Variants in DES observed in about 807,000 individuals in gnomAD.
DES encodes the protein cardiomyopathy, dilated 1F (autosomal dominant).
In DES, 34 loss-of-function variants were observed where a neutral mutation model predicts 55.1. The ratio of observed to expected loss-of-function variants is 0.62; its 90% CI spans 0.47 to 0.82. The LOEUF (loss-of-function observed/expected upper bound fraction) is 0.82. DES is among the 40% of genes least tolerant of loss of function. The pLI is 0.00. For synonymous variants in DES, 259 were observed against 270.8 expected, an observed-to-expected ratio of 0.96 and a Z score of 0.43; for missense variants, 596 against 645.9, an observed-to-expected ratio of 0.92 and a Z score of 0.84.
chr2:219,425,582 T>G, intron 7 of DES, 81 bp from the exon 8 acceptor site: 1 of 1,252,094 alleles, frequency 8.0e-7, no homozygotes, highest in South Asian at 1.3e-5. Context: ...CTGCCCAATG[T>G]GGCCCCAGAT....
Position 219,426,294 on chromosome 2 carries a change from A to T in DES, c.*304A>T. The T allele has an allele frequency of 1.9e-6, 1 of 536,952 alleles. No homozygotes were observed. Among genetic ancestry groups the T allele is most frequent in the Non-Finnish European group, 3.4e-6 (1 of 295,472 alleles). The allele number at this position is 536,952 out of a possible 1,614,324, so 33.3% of individuals were successfully genotyped here. On this transcript the variant is annotated 3_prime_UTR_variant, in exon 9 of 9. Coordinates refer to ENST00000373960, the MANE Select transcript of DES (RefSeq NM_001927.4). This position sits in a 1 kb window ranked among gnomAD's most constrained non-coding sequence, Gnocchi z 4.5. ...CGGGAGCGGTGGCCCTGTCCCTCCC[A>T]CCTCTGTGACCTCAGGCACTAGCCT...
At chr2:219,424,710 A>C (rs911865913) in intron 7 of DES, among the ~76,000 whole-genome samples, 1 of 151,846 alleles carries the variant, frequency 6.6e-6, no homozygotes, top group African/African-American at 2.4e-5. Context: ...AGTACAAAAA[A>C]CTCCACCCAC....
Position 219,421,477 on chromosome 2 carries a change from G to A in DES, c.1161G>A (p.Glu387=). Reference sequence around the variant, plus strand: ...ATGAGATGGCCCGCCATCTGCGCGAGTACCAGGACCTGCTCAACGTGAAGA... The same window carrying A: ...ATGAGATGGCCCGCCATCTGCGCGAATACCAGGACCTGCTCAACGTGAAGA... ...LKDEMARHLR[E]YQDLLNVKMA... is the part of the protein sequence containing the mutation. The change falls in exon 6 of 9, where the codon GAG becomes GAA. Residue 387 remains glutamate, a synonymous_variant. Coordinates refer to ENST00000373960, the MANE Select transcript of DES (RefSeq NM_001927.4). The A allele has an allele frequency of 6.2e-7, 1 of 1,614,126 alleles. No homozygotes were observed. Among genetic ancestry groups the A allele is most frequent in the Non-Finnish European group, 8.5e-7 (1 of 1,180,028 alleles).
intron 8 of DES, 68 bp from the exon 9 acceptor site, chr2:219,425,881 A>G: frequency 6.2e-7 from 1 of 1,606,570 alleles, no homozygotes; most frequent in Non-Finnish European, 8.5e-7. Context: ...TGGGGTGGGG[A>G]TGGCTCAGGG....
Position 219,419,100 on chromosome 2 carries a change from G to T in DES, c.578+60G>T. 3 of 1,534,764 alleles carry T rather than the reference G, an allele frequency of 2.0e-6. No homozygotes were observed. The highest frequency in any genetic ancestry group is 2.6e-6 in the Non-Finnish European group (3 of 1,146,344). On this transcript the variant is annotated intron_variant, in intron 1 of 8. Transcript: ENST00000373960. This position sits in a 1 kb window ranked among gnomAD's most constrained non-coding sequence, Gnocchi z 4.3. Reference sequence around the variant, plus strand: ...GGGCAGGGCACAGGAGGCTAGGCCTGGGGTCTGGGGTCCCGCTGTCAGCAC... The same window carrying T: ...GGGCAGGGCACAGGAGGCTAGGCCTTGGGTCTGGGGTCCCGCTGTCAGCAC...
In DES at chr2:219,421,824, G is replaced by A. The variant is rs2854895; in HGVS notation, c.1244+264G>A. On this transcript the variant is annotated intron_variant, in intron 6 of 8. Transcript: ENST00000373960. Reference sequence around the variant, plus strand: ...TGGGATTACAGGCGCCTACCACCACGCCTGGCTAATTTTTGTATTTTTAGT... The same window carrying A: ...TGGGATTACAGGCGCCTACCACCACACCTGGCTAATTTTTGTATTTTTAGT... 0.36 allele frequency among the ~76,000 whole-genome samples: 55,094 copies of A among 151,694 alleles called. 10,349 individuals carry two copies. Among genetic ancestry groups the A allele is most frequent in the African/African-American group, 0.43 (17,949 of 41,312 alleles).
In DES at chr2:219,420,961, C is replaced by A. The variant is rs749582840; in HGVS notation, c.1023+8C>A. 1.2e-6 allele frequency: 2 copies of A among 1,612,418 alleles called. No individual in the cohort carries two copies. The highest frequency in any genetic ancestry group is 4.5e-5 in the East Asian group (2 of 44,834). On this transcript the variant is annotated splice_region_variant and intron_variant, in intron 5 of 8. Coordinates refer to ENST00000373960, the MANE Select transcript of DES (RefSeq NM_001927.4). This position sits in a 1 kb window ranked among gnomAD's most constrained non-coding sequence, Gnocchi z 6.0. ...GACGCCCTGAAGGGCACTGTGAGTC[C>A]CTGCCCACCTGGCCAGGCCCTGCCC...
Position 219,426,407 on chromosome 2 carries a change from G to A in DES, c.*417G>A, listed in dbSNP as rs551321742. 1.3e-4 allele frequency: 41 copies of A among 319,738 alleles called. No individual in the cohort carries two copies. The highest frequency in any genetic ancestry group is 2.1e-4 in the Non-Finnish European group (34 of 164,594). The allele number at this position is 319,738 out of a possible 1,614,324, so 19.8% of individuals were successfully genotyped here. ...GCAGACCTCCCCAGCCCCTAGCCCA[G>A]GAGAGAGAAAGCCAGGCAGGTAGCC... On this transcript the variant is annotated 3_prime_UTR_variant, in exon 9 of 9. Coordinates refer to ENST00000373960, the MANE Select transcript of DES (RefSeq NM_001927.4). This position sits in a 1 kb window ranked among gnomAD's most constrained non-coding sequence, Gnocchi z 4.5.
chr2:219,421,004 AC>A, intron 5 of DES, 51 bp downstream of exon 5: 1 of 1,597,584 alleles, frequency 6.3e-7, no homozygotes. Flanking sequence ...TCTGCAGTTC[AC>A]ACCCTCACTT....
At chr2:219,424,262 G>A (rs1954497488) in intron 7 of DES, among the ~76,000 whole-genome samples, 1 of 152,194 alleles carries the variant, frequency 6.6e-6, no homozygotes, top group African/African-American at 2.4e-5. Context: ...GTTTGCTGGA[G>A]CAAGATGTTG....
intron 7 of DES, 153 bp from the exon 8 acceptor site, chr2:219,425,510 G>T (rs576368878): frequency 4.3e-6 from 3 of 702,558 alleles, no homozygotes; most frequent in African/African-American, 3.5e-5. Flanking sequence ...CTGAAGGAAA[G>T]GTGTTAAAGT....
Position 219,418,536 on chromosome 2 carries a change from C to G in DES, c.74C>G (p.Pro25Arg). 1 of 1,603,258 alleles carries G rather than the reference C, an allele frequency of 6.2e-7. No homozygotes were observed. The highest frequency in any genetic ancestry group is 8.5e-7 in the Non-Finnish European group (1 of 1,176,252). Residue 25 changes from proline to arginine, a missense_variant, in exon 1 of 9, where the codon CCA becomes CGA. By Grantham distance (103) the Pro-to-Arg change is moderately radical. Coordinates refer to ENST00000373960, the MANE Select transcript of DES (RefSeq NM_001927.4). ...RRTFGGAPGF[P>R]LGSPLSSPVF... ...ACCTTCGGCGGGGCCCCGGGCTTCC[C>G]ACTCGGCTCCCCGCTGAGTTCGCCC... is the stretch of plus-strand genomic sequence containing the variant.
At chr2:219,421,631 C>T in intron 6 of DES, 71 bp downstream of exon 6, 1 of 1,409,176 alleles carries the variant, frequency 7.1e-7, no homozygotes, top group East Asian at 2.3e-5. Context: ...CCCCAGGAGG[C>T]TCGAGATTAC....
Position 219,420,925 on chromosome 2 carries a change from C to A in DES, c.995C>A (p.Thr332Asn), listed in dbSNP as rs368453327. 4.3e-6 allele frequency: 7 copies of A among 1,613,490 alleles called. No individual in the cohort carries two copies. In the Admixed American group the frequency reaches 1.0e-4, roughly 23 times the overall value. ...MEYRHQIQSY[T>N]CEIDALKGTN... ...TACCGACACCAGATCCAGTCCTACA[C>A]CTGCGAGATTGACGCCCTGAAGGGC... The change falls in exon 5 of 9, where the codon ACC becomes AAC. Residue 332 changes from threonine to asparagine, a missense_variant. By Grantham distance (65) the Thr-to-Asn change is moderately conservative. Coordinates refer to ENST00000373960, the MANE Select transcript of DES (RefSeq NM_001927.4). The surrounding 1 kb of genome is among the most constrained non-coding windows in gnomAD (Gnocchi z 6.0).
Position 219,418,735 on chromosome 2 carries a change from C to G in DES, c.273C>G (p.Phe91Leu). The change falls in exon 1 of 9, where the codon TTC becomes TTG. Residue 91 changes from phenylalanine to leucine, a missense_variant. Coordinates refer to ENST00000373960, the MANE Select transcript of DES (RefSeq NM_001927.4). The stretch of plus-strand genomic sequence containing the variant: ...ACGGCGCAGGCGAGCTGCTGGACTT[C>G]TCACTGGCCGACGCGGTGAACCAGG... ...SSYGAGELLD[F>L]SLADAVNQEF... The G allele has an allele frequency of 6.4e-7, 1 of 1,562,290 alleles. No homozygotes were observed. Among genetic ancestry groups the G allele is most frequent in the Non-Finnish European group, 8.7e-7 (1 of 1,152,766 alleles).
In DES at chr2:219,418,511, A is replaced by T. The variant is rs1342928312; in HGVS notation, c.49A>T (p.Thr17Ser). The T allele has an allele frequency of 3.7e-6, 6 of 1,603,146 alleles. No homozygotes were observed. The highest frequency in any genetic ancestry group is 4.2e-6 in the Non-Finnish European group (5 of 1,176,720). Reference sequence around the variant, plus strand: ...CCAGCGCGTGTCCTCCTACCGCCGCACCTTCGGCGGGGCCCCGGGCTTCCC... The same window carrying T: ...CCAGCGCGTGTCCTCCTACCGCCGCTCCTTCGGCGGGGCCCCGGGCTTCCC... Reference protein sequence around the residue: ...SSQRVSSYRRTFGGAPGFPLG... With the variant: ...SSQRVSSYRRSFGGAPGFPLG... Residue 17 changes from threonine (T) to serine (S), a missense_variant, in exon 1 of 9, where the codon ACC becomes TCC. Transcript: ENST00000373960.
chr2:219,423,600 C>T lies in DES; in HGVS notation c.1245-177C>T, dbSNP rs773590186. Among the ~76,000 whole-genome samples the T allele has an allele frequency of 2.6e-5, 4 of 151,950 alleles. No homozygotes were observed. The South Asian group carries it at 8.3e-4, about 32-fold the overall frequency. On this transcript the variant is annotated intron_variant, in intron 6 of 8. Coordinates refer to ENST00000373960, the MANE Select transcript of DES (RefSeq NM_001927.4). ...AACTACAGGTGCCCGCCACCATGCCCGGCTAATTTTTTGTATTTTTAGTAG... is the reference window on the plus strand; with the variant it reads ...AACTACAGGTGCCCGCCACCATGCCTGGCTAATTTTTTGTATTTTTAGTAG...
chr2:219,418,908 C>G lies in DES; in HGVS notation c.446C>G (p.Thr149Arg). 6.4e-7 allele frequency: 1 copy of G among 1,562,966 alleles called. No homozygotes were observed. The highest frequency in any genetic ancestry group is 8.7e-7 in the Non-Finnish European group (1 of 1,153,554). Residue 149 changes from threonine (T) to arginine (R), a missense_variant, in exon 1 of 9, where the codon ACG becomes AGG. Thr to Arg is a moderately conservative substitution (Grantham distance 71). Transcript: ENST00000373960. ...AACCGGCTCAAGGGCCGCGAGCCGA[C>G]GCGAGTGGCCGAGCTCTACGAGGAG... ...EVNRLKGREP[T>R]RVAELYEEEL...
chr2:219,420,254 G>T lies in DES; in HGVS notation c.643G>T (p.Val215Leu), dbSNP rs144908941. ...ENNLAAFRAD[V>L]DAATLARIDL... ...CTTCTCGCTTGGCCTCTCCCAGGAC[G>T]TGGATGCAGCTACTCTAGCTCGCAT... Residue 215 changes from valine to leucine, a missense_variant, in exon 3 of 9, where the codon GTG (valine) becomes TTG (leucine). Transcript: ENST00000373960. This position sits in a 1 kb window ranked among gnomAD's most constrained non-coding sequence, Gnocchi z 6.0. 1.2e-6 allele frequency: 2 copies of T among 1,614,200 alleles called. No homozygotes were observed. Among genetic ancestry groups the T allele is most frequent in the Non-Finnish European group, 1.7e-6 (2 of 1,180,034 alleles).
Sources: gnomAD v4.1 joint callset for allele counts (sites outside exome capture counted in the v4.1 genomes callset) on GRCh38, gnomAD v4.1.1 for gene constraint, Gnocchi (gnomAD v3.1) non-coding constraint, MANE v1.5 for transcripts, NCBI Gene and HGNC (gene_info 2026-07-23, HGNC 2026-07-21) for gene names.